The following CADM2 variants were observed in gnomAD, a reference collection of about 807,000 sequenced individuals.
CADM2 encodes cell adhesion molecule 2.
Under a neutral mutation model 49.8 loss-of-function variants are expected in CADM2, and 12 were observed. The ratio of observed to expected loss-of-function variants is 0.24; its 90% CI spans 0.15 to 0.39. The LOEUF is 0.39. Among genes scored for constraint, CADM2 ranks in the 10% least tolerant of loss-of-function variants. The pLI, the probability that CADM2 is intolerant of heterozygous loss-of-function variation, is 1.00. For synonymous variants in CADM2, 214 were observed against 175.4 expected, an observed-to-expected ratio of 1.22 and a Z score of -1.74; for missense variants, 378 against 492.3, an observed-to-expected ratio of 0.77 and a Z score of 2.20.
At chr3:85,380,304 AT>A (rs1311840559) in intron 1 of CADM2, among the ~76,000 whole-genome samples, 2 of 151,914 alleles carry the variant, frequency 1.3e-5, no homozygotes, top group African/African-American at 4.8e-5. Flanking sequence ...TAATCATAAG[AT>A]TTTTTTATAT....
intron 3 of CADM2, among the ~76,000 whole-genome samples, chr3:85,853,106 A>C (rs1333500009): frequency 2.6e-5 from 4 of 152,118 alleles, no homozygotes; most frequent in Non-Finnish European, 5.9e-5. Flanking sequence ...CTTTCTTAAA[A>C]AAATTCTTTC....
At chr3:85,242,532 T>A (rs979785644) in intron 1 of CADM2, among the ~76,000 whole-genome samples, 4 of 151,730 alleles carry the variant, frequency 2.6e-5, no homozygotes, top group Non-Finnish European at 5.9e-5. Context: ...ATTCTAATTT[T>A]CAAATGTTGA....
rs913356520 is a variant in CADM2 at position 85,109,820 on chromosome 3, C to T, written c.61+150152C>T. On this transcript the variant is annotated intron_variant, in intron 1 of 9. Transcript: ENST00000383699. ...TGGTTCACCATGTATAATCAACTAA[C>T]ATAGCACATTTTTGTTTACATACAG... Among the ~76,000 whole-genome samples the T allele has an allele frequency of 2.6e-5, 4 of 152,058 alleles. No individual in the cohort carries two copies. In the East Asian group the frequency reaches 7.7e-4, roughly 29 times the overall value.
chr3:86,048,470 A>G (rs1736939892), intron 8 of CADM2, among the ~76,000 whole-genome samples: 2 of 152,068 alleles, frequency 1.3e-5, no homozygotes, highest in Non-Finnish European at 1.5e-5. Flanking sequence ...TTGCTTGATC[A>G]AAATGATATT....
At chr3:85,767,042 T>C (rs2069690881) in intron 2 of CADM2, among the ~76,000 whole-genome samples, 1 of 152,214 alleles carries the variant, frequency 6.6e-6, no homozygotes, top group African/African-American at 2.4e-5. Context: ...TATTGTACCA[T>C]ATTTTTTAAC....
intron 1 of CADM2, among the ~76,000 whole-genome samples, chr3:85,141,921 G>A (rs1174325515): frequency 1.3e-5 from 2 of 152,168 alleles, no homozygotes; most frequent in Non-Finnish European, 2.9e-5. Flanking sequence ...AAGCTAGATT[G>A]TCTAATATGG....
intron 1 of CADM2, among the ~76,000 whole-genome samples, chr3:85,095,649 T>G (rs2107532145): frequency 6.6e-6 from 1 of 152,324 alleles, no homozygotes. Context: ...CATATTAGTA[T>G]ACAACTAATA....
At chr3:85,119,882 C>A (rs187582719) in intron 1 of CADM2, among the ~76,000 whole-genome samples, 2 of 152,174 alleles carry the variant, frequency 1.3e-5, no homozygotes, top group East Asian at 3.9e-4. Flanking sequence ...AAGAAACTAG[C>A]GTCAGAGTGA....
chr3:85,607,202 C>A (rs550551761), intron 1 of CADM2, among the ~76,000 whole-genome samples: 6 of 152,164 alleles, frequency 3.9e-5, no homozygotes, highest in Non-Finnish European at 8.8e-5. Flanking sequence ...CAGGCAATTT[C>A]TTCAGTAAAG....
intron 1 of CADM2, among the ~76,000 whole-genome samples, chr3:85,074,619 A>AGTTTGG (rs2036873406): frequency 6.6e-6 from 1 of 152,130 alleles, no homozygotes; most frequent in African/African-American, 2.4e-5. Context: ...AGCTTCCTAC[A>AGTTTGG]GTTTGGATTT....
At chr3:85,845,053 G>A (rs1217681730) in intron 3 of CADM2, among the ~76,000 whole-genome samples, 1 of 150,672 alleles carries the variant, frequency 6.6e-6, no homozygotes. Context: ...TACTTGGGAG[G>A]TTAATACAAG....
intron 1 of CADM2, among the ~76,000 whole-genome samples, chr3:85,018,851 A>C (rs1203902511): frequency 3.3e-5 from 5 of 152,304 alleles, no homozygotes; most frequent in Middle Eastern, 3.4e-3. Flanking sequence ...CAATGAATTA[A>C]CACAATTAAG....
intron 1 of CADM2, among the ~76,000 whole-genome samples, chr3:85,612,394 T>A (rs2063702480): frequency 6.6e-6 from 1 of 151,808 alleles, no homozygotes; most frequent in Non-Finnish European, 1.5e-5. Flanking sequence ...TCTTGCAAAA[T>A]AAGGATTATA....
chr3:85,301,886 T>C (rs562087185), intron 1 of CADM2, among the ~76,000 whole-genome samples: 1 of 152,210 alleles, frequency 6.6e-6, no homozygotes, highest in Non-Finnish European at 1.5e-5. Context: ...CTGATTAGAC[T>C]TCAGAAAAAT....
chr3:85,557,971 G>A (rs1008171697), intron 1 of CADM2, among the ~76,000 whole-genome samples: 1 of 152,006 alleles, frequency 6.6e-6, no homozygotes, highest in Non-Finnish European at 1.5e-5. Flanking sequence ...TTTAGACAAA[G>A]CATTTGAACA....
intron 1 of CADM2, among the ~76,000 whole-genome samples, chr3:85,209,806 G>C (rs1214520909): frequency 2.0e-5 from 3 of 152,068 alleles, no homozygotes; most frequent in Admixed American, 6.5e-5. Flanking sequence ...CAGAACCTTT[G>C]AAAAGTTCAC....
At chr3:85,303,089 A>C (rs2044138108) in intron 1 of CADM2, among the ~76,000 whole-genome samples, 2 of 151,898 alleles carry the variant, frequency 1.3e-5, no homozygotes, top group South Asian at 4.2e-4. Context: ...TGTTTGGACA[A>C]AATTTTTGTG....
chr3:86,034,576 G>C (rs991283939), intron 8 of CADM2, among the ~76,000 whole-genome samples: 3 of 151,984 alleles, frequency 2.0e-5, no homozygotes, highest in Non-Finnish European at 4.4e-5. Context: ...TTATGCTGTT[G>C]TAACAGACTA....
chr3:86,064,415 A>G (rs530170494), intron 8 of CADM2, among the ~76,000 whole-genome samples: 1 of 152,134 alleles, frequency 6.6e-6, no homozygotes, highest in Non-Finnish European at 1.5e-5. Flanking sequence ...ATAGTATTCC[A>G]TGGTGTATAT....
Sources: allele counts gnomAD v4.1 joint callset (sites outside exome capture counted in the v4.1 genomes callset), GRCh38; gene constraint gnomAD v4.1.1; transcripts MANE v1.5; gene names NCBI Gene and HGNC (gene_info 2026-07-23, HGNC 2026-07-21).